Variants in FRK observed in about 807,000 individuals in gnomAD.
The protein encoded by FRK is tyrosine-protein kinase FRK.
Under a neutral mutation model 56.4 loss-of-function variants are expected in FRK, and 51 were observed. That is an observed-to-expected ratio of 0.90 (90% CI 0.72 to 1.14). FRK has a LOEUF of 1.14. Among genes scored for constraint, FRK ranks in the 50% most tolerant of loss-of-function variants. The probability of loss-of-function intolerance (pLI) is 0.00; values close to 1 mark genes in which losing one functional copy is unlikely to be tolerated. For missense variants in FRK, 570 were observed against 601.4 expected (o/e 0.95, Z 0.55); for synonymous variants, 245 against 217.9 (o/e 1.12, Z -1.10).
At chr6:116,058,788 G>T (rs548188806) in intron 1 of FRK, among the ~76,000 whole-genome samples, 3 of 151,902 alleles carry the variant, frequency 2.0e-5, no homozygotes, top group Non-Finnish European at 4.4e-5. Context: ...GCAGGCGCCT[G>T]TAGTCCCAGC....
chr6:115,984,474 T>C (rs12662901), intron 2 of FRK, among the ~76,000 whole-genome samples: 86,750 of 151,640 alleles, frequency 0.57, 25,144 homozygotes, highest in African/African-American at 0.62. Flanking sequence ...TATTAAGTGA[T>C]GGAGCTGAGA....
intron 5 of FRK, among the ~76,000 whole-genome samples, chr6:115,954,245 G>A (rs1362712468): frequency 6.6e-6 from 1 of 152,212 alleles, no homozygotes; most frequent in Non-Finnish European, 1.5e-5. Flanking sequence ...GACTGAGCAA[G>A]GAGAAGTTGT....
intron 1 of FRK, among the ~76,000 whole-genome samples, chr6:116,006,502 A>C (rs2114701822): frequency 6.6e-6 from 1 of 152,328 alleles, no homozygotes; most frequent in Non-Finnish European, 1.5e-5. Context: ...TGTACTACTC[A>C]ATTTCACTTC....
At chr6:115,966,679 AG>A (rs1773590169) in intron 4 of FRK, among the ~76,000 whole-genome samples, 1 of 152,210 alleles carries the variant, frequency 6.6e-6, no homozygotes, top group African/African-American at 2.4e-5. Flanking sequence ...TCTGTTATAA[AG>A]GTATATATGA....
intron 2 of FRK, among the ~76,000 whole-genome samples, chr6:115,977,084 A>G (rs1483416791): frequency 1.3e-5 from 2 of 152,170 alleles, no homozygotes; most frequent in Non-Finnish European, 2.9e-5. Context: ...TACAAAGACA[A>G]CCATGATGAT....
chr6:116,073,098 G>C, the FRK span, among the ~76,000 whole-genome samples: 1 of 152,160 alleles, frequency 6.6e-6, no homozygotes, highest in African/African-American at 2.4e-5. Flanking sequence ...TTAATTATGA[G>C]TTAGTATTGC....
At chr6:116,054,631 T>C (rs762690228) in intron 1 of FRK, among the ~76,000 whole-genome samples, 5 of 150,004 alleles carry the variant, frequency 3.3e-5, no homozygotes, top group Non-Finnish European at 7.4e-5. Context: ...TAAGTATACT[T>C]TGTCTTAGAG....
At chr6:116,079,139 T>C in the FRK span, among the ~76,000 whole-genome samples, 1 of 152,118 alleles carries the variant, frequency 6.6e-6, no homozygotes, top group African/African-American at 2.4e-5. Context: ...GCGGTGAAAT[T>C]GCTGAGTAGT....
At chr6:115,942,677 C>T in intron 7 of FRK, 52 bp from the exon 8 acceptor site, 1 of 1,481,082 alleles carries the variant, frequency 6.8e-7, no homozygotes, top group East Asian at 2.3e-5. Flanking sequence ...AGTTAAAGGT[C>T]AGAGTCTTAA....
chr6:115,938,341 T>C lies in FRK; in HGVS notation c.*4073A>G, dbSNP rs1772087568. On this transcript the variant is annotated 3_prime_UTR_variant, in exon 8 of 8. Transcript: ENST00000606080. ...ATTTAAAGCAGTGTGTAGAGGGAAA[T>C]TTATAGCACCAACTGCCCACAAGAG... 1 of 152,114 alleles carries C rather than the reference T, an allele frequency of 6.6e-6. No individual in the cohort carries two copies. The highest frequency in any genetic ancestry group is 6.5e-5 in the Admixed American group (1 of 15,268). 9.4% of individuals were successfully genotyped at this position (152,114 alleles called of 1,614,324 possible). A position where few individuals can be genotyped will look rare whatever the true frequency, so the allele number is the denominator to read the frequency against.
chr6:116,084,574 C>T, the FRK span, among the ~76,000 whole-genome samples: 1 of 152,212 alleles, frequency 6.6e-6, no homozygotes, highest in Non-Finnish European at 1.5e-5. Context: ...TCCCAAAATA[C>T]TGTGGAATTC....
chr6:115,998,273 C>A (rs1774919165), intron 2 of FRK, among the ~76,000 whole-genome samples: 1 of 152,166 alleles, frequency 6.6e-6, no homozygotes, highest in Admixed American at 6.6e-5. Context: ...AATCTCTCAT[C>A]CATTCTCAAC....
At chr6:115,988,402 A>G (rs534025240) in intron 2 of FRK, among the ~76,000 whole-genome samples, 52 of 152,166 alleles carry the variant, frequency 3.4e-4, no homozygotes, top group Non-Finnish European at 7.1e-4. Context: ...TGACGTTCAT[A>G]AAGCAAAACT....
At chr6:116,066,963 C>G in the FRK span, among the ~76,000 whole-genome samples, 3 of 152,194 alleles carry the variant, frequency 2.0e-5, no homozygotes, top group East Asian at 5.8e-4. Flanking sequence ...ATGTTGAAAT[C>G]CTAACCCTCA....
At chr6:116,097,750 A>C in the FRK span, among the ~76,000 whole-genome samples, 437 of 152,350 alleles carry the variant, frequency 2.9e-3, 7 homozygotes, top group South Asian at 0.023. Context: ...AAAACAGTAC[A>C]TGAAATACTA....
intron 5 of FRK, among the ~76,000 whole-genome samples, chr6:115,949,136 T>C (rs986784876): frequency 6.6e-6 from 1 of 152,264 alleles, no homozygotes; most frequent in South Asian, 2.1e-4. Flanking sequence ...ATTGATTTTG[T>C]ATCCTGAAAC....
chr6:115,942,245 G>A lies in FRK; in HGVS notation c.*169C>T. 1.7e-6 allele frequency: 1 copy of A among 601,692 alleles called. No individual in the cohort carries two copies. The highest frequency in any genetic ancestry group is 3.0e-5 in the East Asian group (1 of 33,828). 37.3% of individuals were successfully genotyped at this position (601,692 alleles called of 1,614,324 possible). Reference sequence around the variant, plus strand: ...CTTGACTGTCCTGCAGTGTTGCCCAGTCAATAAAATGCACAAATAATCTTT... The same window carrying A: ...CTTGACTGTCCTGCAGTGTTGCCCAATCAATAAAATGCACAAATAATCTTT... On this transcript the variant is annotated 3_prime_UTR_variant, in exon 8 of 8. Transcript: ENST00000606080.
At chr6:116,099,720 T>G in the FRK span, among the ~76,000 whole-genome samples, 3 of 152,250 alleles carry the variant, frequency 2.0e-5, no homozygotes, top group African/African-American at 7.2e-5. Context: ...AAATTAATCC[T>G]CTGATTGGTC....
intron 5 of FRK, among the ~76,000 whole-genome samples, chr6:115,948,527 A>T (rs1772556369): frequency 6.6e-6 from 1 of 151,838 alleles, no homozygotes; most frequent in Admixed American, 6.6e-5. Flanking sequence ...CTGATTCTTC[A>T]GTTTTCTTGT....
Sources: gnomAD v4.1 joint callset for allele counts (sites outside exome capture counted in the v4.1 genomes callset) on GRCh38, gnomAD v4.1.1 for gene constraint, MANE v1.5 for transcripts, NCBI Gene and HGNC (gene_info 2026-07-23, HGNC 2026-07-21) for gene names.